Variants in AFDN observed in about 807,000 individuals in gnomAD.
AFDN encodes the protein afadin.
In AFDN, 68 loss-of-function variants were observed where a neutral mutation model predicts 216.6. The ratio of observed to expected loss-of-function variants is 0.31; its 90% confidence interval spans 0.26 to 0.38. The LOEUF (loss-of-function observed/expected upper bound fraction) is 0.38. Ranked by LOEUF, AFDN falls within the 10% of genes least tolerant of loss-of-function variation. The pLI is 1.00. For missense variants in AFDN, 2,136 were observed against 2,342.0 expected, an observed-to-expected ratio of 0.91 and a Z score of 1.82; for synonymous variants, 868 against 853.7, an observed-to-expected ratio of 1.02 and a Z score of -0.29.
chr6:167,870,473 A>G lies in AFDN; in HGVS notation c.389A>G (p.Asn130Ser). Residue 130 changes from asparagine (N) to serine (S), a missense_variant, in exon 3 of 34, where the codon AAT becomes AGT. Asn to Ser is a conservative substitution (Grantham distance 46, BLOSUM62 1). Transcript: ENST00000683244. Reference sequence around the variant, plus strand: ...CGGGAAGGCAGATTTGTTCTTAAGAATGAGAATGACGCCATTCCTCCTAAG... The same window carrying G: ...CGGGAAGGCAGATTTGTTCTTAAGAGTGAGAATGACGCCATTCCTCCTAAG... ...DDREGRFVLK[N>S]ENDAIPPKKA... 1 of 1,611,694 alleles carries G rather than the reference A, an allele frequency of 6.2e-7. No homozygotes were observed. The highest frequency in any genetic ancestry group is 8.5e-7 in the Non-Finnish European group (1 of 1,178,648).
At chr6:167,886,070 A>G (rs973395064) in intron 6 of AFDN, among the ~76,000 whole-genome samples, 3 of 152,256 alleles carry the variant, frequency 2.0e-5, no homozygotes, top group Non-Finnish European at 4.4e-5. Context: ...AAGTATGGTC[A>G]CAAAAATATA....
chr6:167,864,596 G>A lies in AFDN; in HGVS notation c.151G>A (p.Ala51Thr), dbSNP rs1354399809. 1.2e-6 allele frequency: 2 copies of A among 1,614,100 alleles called. No individual in the cohort carries two copies. Among genetic ancestry groups the A allele is most frequent in the Non-Finnish European group, 1.7e-6 (2 of 1,180,002 alleles). Residue 51 changes from alanine to threonine, a missense_variant, in exon 2 of 34, where the codon GCT becomes ACT. This residue lies in a region of AFDN where 4 missense variants were observed against 18.7 expected (regional missense o/e 0.21). Transcript: ENST00000683244. ...GATGAGATTTTATTTTCAAGATAAA[G>A]CTGCTGGAAACTTTGCAACAAAATG... ...GVMRFYFQDK[A>T]AGNFATKCIR...
At chr6:167,841,937 C>A (rs144520274) in intron 1 of AFDN, among the ~76,000 whole-genome samples, 1 of 152,058 alleles carries the variant, frequency 6.6e-6, no homozygotes, top group East Asian at 1.9e-4. Context: ...TTCTTACCTC[C>A]CATTCACTCA....
At chr6:167,902,651 A>G (rs1047125521) in intron 12 of AFDN, among the ~76,000 whole-genome samples, 3 of 152,358 alleles carry the variant, frequency 2.0e-5, no homozygotes, top group East Asian at 3.9e-4. Flanking sequence ...GGAACAATAT[A>G]TATTATAACA....
In AFDN at chr6:167,962,478, C is replaced by T. The variant is rs1797133607; in HGVS notation, c.4879C>T (p.Arg1627Cys). The change falls in exon 31 of 34, where the codon CGC (arginine) becomes TGC (cysteine). Residue 1627 changes from arginine (R) to cysteine (C), a missense_variant. Arg to Cys is a radical substitution (Grantham distance 180). This residue lies in a region of AFDN where 981 missense variants were observed against 966.0 expected (regional missense o/e 1.02). Coordinates refer to ENST00000683244, the MANE Select transcript of AFDN (RefSeq NM_001386888.1). The surrounding 1 kb of genome is among the most constrained non-coding windows in gnomAD (Gnocchi z 5.2). Reference protein sequence around the residue: ...RRRQQQLEEMRKREAEDRARQ... With the variant: ...RRRQQQLEEMCKREAEDRARQ... The stretch of plus-strand genomic sequence containing the variant: ...GCGGCAGCAGCAGTTAGAAGAGATG[C>T]GCAAGCGGGAAGCGGAAGACCGAGC... The T allele has an allele frequency of 4.3e-6, 7 of 1,613,486 alleles. No individual in the cohort carries two copies. The South Asian group carries it at 5.5e-5, about 13-fold the overall frequency.
At chr6:167,956,831 G>A (rs540215638) in intron 30 of AFDN, among the ~76,000 whole-genome samples, 29 of 152,232 alleles carry the variant, frequency 1.9e-4, no homozygotes, top group Non-Finnish European at 2.4e-4. Flanking sequence ...CGTGACCAGA[G>A]CCTCTCTCCT....
At chr6:167,968,074 G>A (rs535740841) in intron 32 of AFDN, among the ~76,000 whole-genome samples, 10 of 152,200 alleles carry the variant, frequency 6.6e-5, no homozygotes, top group Admixed American at 3.3e-4. Flanking sequence ...TAAAAGTTCC[G>A]AAAATTCAGA....
At chr6:167,906,741 A>C (rs574352011) in intron 12 of AFDN, among the ~76,000 whole-genome samples, 3 of 152,222 alleles carry the variant, frequency 2.0e-5, no homozygotes, top group African/African-American at 7.2e-5. Context: ...TTGAGCTATA[A>C]GGAGTAGGAT....
chr6:167,870,530 G>T (rs1784677277), intron 3 of AFDN, 32 bp downstream of exon 3: 1 of 1,393,616 alleles, frequency 7.2e-7, no homozygotes, highest in Admixed American at 1.8e-5. Flanking sequence ...TGACGGTCTT[G>T]GTCCAGGGCC....
At chr6:167,929,275 A>G (rs1444280243) in intron 23 of AFDN, among the ~76,000 whole-genome samples, 1 of 152,184 alleles carries the variant, frequency 6.6e-6, no homozygotes, top group Non-Finnish European at 1.5e-5. Context: ...GATATTTACA[A>G]AGATTTGTAA....
At chr6:167,916,091 G>A (rs758468121) in intron 19 of AFDN, among the ~76,000 whole-genome samples, 1 of 152,172 alleles carries the variant, frequency 6.6e-6, no homozygotes, top group Non-Finnish European at 1.5e-5. Context: ...TCCTTCTGGG[G>A]GCTCTGAGGA....
intron 23 of AFDN, 137 bp from the exon 24 acceptor site, chr6:167,942,992 G>T: frequency 1.7e-6 from 1 of 592,408 alleles, no homozygotes. Flanking sequence ...TAATTTTCAT[G>T]TAAAAATGAG....
chr6:167,904,209 C>CT (rs1226939683), intron 12 of AFDN, among the ~76,000 whole-genome samples: 1,676 of 145,342 alleles, frequency 0.012, 34 homozygotes, highest in African/African-American at 0.038. Flanking sequence ...ATCTCTCTCT[C>CT]TTTTTTTTTT....
Position 167,922,592 on chromosome 6 carries a change from A to G in AFDN, c.2909-264A>G, listed in dbSNP as rs553861277. Among the ~76,000 whole-genome samples, 3 of 152,354 alleles carry G rather than the reference A, an allele frequency of 2.0e-5. No homozygotes were observed. In the East Asian group the frequency reaches 5.8e-4, roughly 29 times the overall value. ...TGACAAGGCTATTTGGTAATTTCTT[A>G]TAGGAGTAAGAAAAAAGTTCTTTTG... On this transcript the variant is annotated intron_variant, in intron 21 of 33. Coordinates refer to ENST00000683244, the MANE Select transcript of AFDN (RefSeq NM_001386888.1).
At chr6:167,845,460 C>T (rs759860526) in intron 1 of AFDN, among the ~76,000 whole-genome samples, 9 of 151,854 alleles carry the variant, frequency 5.9e-5, no homozygotes, top group Admixed American at 1.3e-4. Context: ...TGCAATGGCG[C>T]GATCTTGGCT....
At chr6:167,889,526 C>T (rs551396827) in intron 7 of AFDN, among the ~76,000 whole-genome samples, 200 bp downstream of exon 7, 2 of 152,128 alleles carry the variant, frequency 1.3e-5, no homozygotes, top group East Asian at 1.9e-4. Context: ...CTCCACCTCC[C>T]GGTTTCAAGC....
intron 30 of AFDN, among the ~76,000 whole-genome samples, chr6:167,960,381 G>A (rs758471924): frequency 2.4e-5 from 3 of 124,628 alleles, no homozygotes; most frequent in Non-Finnish European, 4.9e-5. Flanking sequence ...TGTTTTTACA[G>A]ATTTATAAAA....
At position 167,971,670 on chromosome 6, in the gene AFDN, TACAC is replaced by T. The variant is rs1169852115; in HGVS notation, c.*1737_*1740del. ...ACTTTTCTGTTAATATATAGAAAAA[TACAC>T]AGGAGAACATGCAGATACATGTAAA... On this transcript the variant is annotated 3_prime_UTR_variant, in exon 34 of 34. Coordinates refer to ENST00000683244, the MANE Select transcript of AFDN (RefSeq NM_001386888.1). The T allele has an allele frequency of 5.1e-6, 1 of 196,698 alleles. No individual in the cohort carries two copies. Among genetic ancestry groups the T allele is most frequent in the Non-Finnish European group, 1.1e-5 (1 of 95,144 alleles). 12.2% of individuals were successfully genotyped at this position (196,698 alleles called of 1,614,324 possible). A position where few individuals can be genotyped will look rare whatever the true frequency, so the allele number is the denominator to read the frequency against.
At chr6:167,949,494 G>A (rs1427369419) in intron 29 of AFDN, among the ~76,000 whole-genome samples, 1 of 152,180 alleles carries the variant, frequency 6.6e-6, no homozygotes, top group African/African-American at 2.4e-5. Flanking sequence ...GCTATCAGGA[G>A]ATTTCATCTT....
Sources: gnomAD v4.1 joint callset for allele counts (sites outside exome capture counted in the v4.1 genomes callset) on GRCh38, gnomAD v4.1.1 for gene constraint, gnomAD v4.1.1 regional missense constraint, Gnocchi (gnomAD v3.1) non-coding constraint, MANE v1.5 for transcripts, NCBI Gene and HGNC (gene_info 2026-07-23, HGNC 2026-07-21) for gene names.